The following PTPN4 variants were observed in gnomAD, a reference collection of about 807,000 sequenced individuals.
PTPN4 encodes the protein protein tyrosine phosphatase non-receptor type 4.
In PTPN4, 49 loss-of-function variants were observed where a neutral mutation model predicts 135.5. The observed-to-expected ratio is 0.36, with a 90% CI of 0.29 to 0.46. PTPN4 has a LOEUF of 0.46. PTPN4 is among the 20% of genes least tolerant of loss of function. The pLI is 1.00. For missense variants in PTPN4, 860 were observed against 1,101.0 expected, an observed-to-expected ratio of 0.78 and a Z score of 3.10; for synonymous variants, 333 against 369.9, an observed-to-expected ratio of 0.90 and a Z score of 1.14.
intron 2 of PTPN4, among the ~76,000 whole-genome samples, chr2:119,852,161 A>G (rs967769609): frequency 6.6e-6 from 1 of 152,120 alleles, no homozygotes; most frequent in Non-Finnish European, 1.5e-5. Context: ...CAAAGACTCA[A>G]CTTCCTGGTC....
chr2:119,848,635 C>G (rs1677543253), intron 2 of PTPN4, among the ~76,000 whole-genome samples: 1 of 152,164 alleles, frequency 6.6e-6, no homozygotes, highest in African/African-American at 2.4e-5. Context: ...GAGTCTCACT[C>G]TGTCACCCAG....
intron 23 of PTPN4, among the ~76,000 whole-genome samples, chr2:119,961,183 A>G (rs1214665654): frequency 6.6e-6 from 1 of 151,400 alleles, no homozygotes; most frequent in African/African-American, 2.4e-5. Context: ...AGGGATTAAT[A>G]TACATTTGTT....
chr2:119,953,639 A>G (rs1679239247), intron 19 of PTPN4, among the ~76,000 whole-genome samples: 1 of 152,178 alleles, frequency 6.6e-6, no homozygotes, highest in South Asian at 2.1e-4. Flanking sequence ...TTTTCTCTTG[A>G]TAATAGATCC....
intron 14 of PTPN4, among the ~76,000 whole-genome samples, chr2:119,933,549 G>C (rs920262468): frequency 6.6e-6 from 1 of 151,314 alleles, no homozygotes; most frequent in Non-Finnish European, 1.5e-5. Flanking sequence ...GCATGGTGGC[G>C]TGCACCTGTC....
intron 1 of PTPN4, among the ~76,000 whole-genome samples, chr2:119,795,909 G>A (rs1268410984): frequency 6.6e-6 from 1 of 152,206 alleles, no homozygotes; most frequent in African/African-American, 2.4e-5. Context: ...GGGAGGCATG[G>A]GGGCAAGGTG....
chr2:119,789,063 T>A lies in PTPN4; in HGVS notation c.-17-20774T>A, dbSNP rs905362696. ...GTGTACTTCCAGTTTCTCCTTATCC[T>A]TGCCAACACTTGTTATTTTTCTTTT... On this transcript the variant is annotated intron_variant, in intron 1 of 26. Transcript: ENST00000263708. Among the ~76,000 whole-genome samples the A allele has an allele frequency of 3.3e-5, 5 of 152,130 alleles. No homozygotes were observed. The South Asian group carries it at 1.0e-3, about 32-fold the overall frequency.
chr2:119,829,697 A>G (rs1677193070), intron 2 of PTPN4, among the ~76,000 whole-genome samples: 1 of 152,166 alleles, frequency 6.6e-6, no homozygotes, highest in Non-Finnish European at 1.5e-5. Flanking sequence ...TGGGTATACC[A>G]CATTTTGTTT....
intron 2 of PTPN4, among the ~76,000 whole-genome samples, chr2:119,825,915 A>G (rs1311697698): frequency 6.6e-6 from 1 of 152,222 alleles, no homozygotes; most frequent in Non-Finnish European, 1.5e-5. Flanking sequence ...AAATTTAAAA[A>G]TTAAAAGTTA....
intron 18 of PTPN4, among the ~76,000 whole-genome samples, chr2:119,950,183 A>G (rs1409035164): frequency 6.6e-6 from 1 of 152,160 alleles, no homozygotes; most frequent in East Asian, 1.9e-4. Flanking sequence ...ATAGCCCATT[A>G]TTACATTTTC....
chr2:119,886,909 C>T (rs1026287898), intron 9 of PTPN4, among the ~76,000 whole-genome samples: 11 of 151,894 alleles, frequency 7.2e-5, no homozygotes, highest in African/African-American at 2.4e-4. Flanking sequence ...TCTTGTAATT[C>T]TGAGTGTTAC....
chr2:119,976,868 T>G, intron 26 of PTPN4, 116 bp from the exon 27 acceptor site: 1 of 1,477,068 alleles, frequency 6.8e-7, no homozygotes, highest in Admixed American at 2.9e-5. Context: ...TTATGCAGTT[T>G]TGTTTTGCAT....
intron 12 of PTPN4, 80 bp downstream of exon 12, chr2:119,920,321 C>G: frequency 7.0e-7 from 1 of 1,419,092 alleles, no homozygotes; most frequent in Non-Finnish European, 9.6e-7. Context: ...TTTATGGAAC[C>G]ATACAACCTT....
chr2:119,914,049 T>C (rs922228907), intron 10 of PTPN4, among the ~76,000 whole-genome samples: 6 of 152,110 alleles, frequency 3.9e-5, no homozygotes, highest in African/African-American at 1.4e-4. Flanking sequence ...GAAAAGATTT[T>C]TATTCATTGA....
At chr2:119,969,948 A>G (rs748625371) in intron 26 of PTPN4, among the ~76,000 whole-genome samples, 6 of 152,236 alleles carry the variant, frequency 3.9e-5, no homozygotes, top group Admixed American at 1.3e-4. Flanking sequence ...CAGCTTTATT[A>G]AAATACAATT....
rs191782949 is a variant in PTPN4 at position 119,944,714 on chromosome 2, G to A, written c.1356-367G>A. Among the ~76,000 whole-genome samples, 411 of 152,150 alleles carry A rather than the reference G, an allele frequency of 2.7e-3. 2 individuals are homozygous for A. The highest frequency in any genetic ancestry group is 4.8e-3 in the Non-Finnish European group (324 of 67,990). On this transcript the variant is annotated intron_variant, in intron 15 of 26. Coordinates refer to ENST00000263708, the MANE Select transcript of PTPN4 (RefSeq NM_002830.4). ...TTAGGCTGGAATAGTTACTTTATCT[G>A]TGGAACTACCCAATTATCAGTTCTG...
chr2:119,844,600 C>T (rs913714447), intron 2 of PTPN4, among the ~76,000 whole-genome samples: 15 of 150,870 alleles, frequency 9.9e-5, no homozygotes, highest in Non-Finnish European at 2.2e-4. Flanking sequence ...AGAGGCGCTC[C>T]TCACATCCCA....
intron 15 of PTPN4, among the ~76,000 whole-genome samples, chr2:119,939,281 A>G (rs1679028780): frequency 6.6e-6 from 1 of 152,182 alleles, no homozygotes; most frequent in African/African-American, 2.4e-5. Context: ...GACAGACTTC[A>G]TAATCCAGAA....
At chr2:119,836,511 C>T (rs1308835008) in intron 2 of PTPN4, among the ~76,000 whole-genome samples, 2 of 152,228 alleles carry the variant, frequency 1.3e-5, no homozygotes, top group Non-Finnish European at 2.9e-5. Flanking sequence ...GTGGGGGACG[C>T]GCAGCTGGGG....
intron 26 of PTPN4, among the ~76,000 whole-genome samples, chr2:119,969,552 C>CT (rs35531556): frequency 0.46 from 49,992 of 108,382 alleles, 14,599 homozygotes; most frequent in East Asian, 0.63. Context: ...TAATCAATTT[C>CT]TTTTTTTTTT....
Sources: gnomAD v4.1 joint callset for allele counts (sites outside exome capture counted in the v4.1 genomes callset) on GRCh38, gnomAD v4.1.1 for gene constraint, MANE v1.5 for transcripts, NCBI Gene and HGNC (gene_info 2026-07-23, HGNC 2026-07-21) for gene names.